The following PKIB variants were observed in gnomAD, a reference collection of about 807,000 sequenced individuals.
PKIB encodes cAMP-dependent protein kinase inhibitor beta, also known as PKI-beta.
Under a neutral mutation model 4.5 loss-of-function variants are expected in PKIB, and 2 were observed. The observed-to-expected ratio is 0.44, with a 90% confidence interval of 0.18 to 1.39. PKIB has a LOEUF of 1.39. PKIB is among the 40% of genes most tolerant of loss of function. PKIB has a pLI of 0.27. For missense variants in PKIB, 94 were observed against 92.6 expected, an observed-to-expected ratio of 1.02 and a Z score of -0.06; for synonymous variants, 38 against 36.0, an observed-to-expected ratio of 1.06 and a Z score of -0.20.
upstream of PKIB, among the ~76,000 whole-genome samples, chr6:122,607,076 T>TAA (rs567585689): frequency 7.0e-6 from 1 of 143,502 alleles, no homozygotes; most frequent in African/African-American, 2.6e-5. Context: ...GTCCCCTTGG[T>TAA]AAAAAAAAAA....
intron 3 of PKIB, among the ~76,000 whole-genome samples, chr6:122,699,313 G>C (rs1209017110): frequency 1.3e-5 from 2 of 151,244 alleles, no homozygotes; most frequent in Non-Finnish European, 2.9e-5. Flanking sequence ...TGTCTCATGG[G>C]AGGTAAAAGC....
At chr6:122,505,263 G>A (rs565050905) in intron 2 of PKIB, among the ~76,000 whole-genome samples, 222 of 152,206 alleles carry the variant, frequency 1.5e-3, no homozygotes, top group African/African-American at 5.0e-3. Flanking sequence ...AGCAGATCTC[G>A]CTCTGAGCAT....
chr6:122,653,129 C>A (rs1298858485), intron 2 of PKIB, among the ~76,000 whole-genome samples: 1 of 152,086 alleles, frequency 6.6e-6, no homozygotes, highest in African/African-American at 2.4e-5. Context: ...TTGGAAAGTT[C>A]CAGAAAACTG....
At chr6:122,721,141 G>A (rs1048478007) in intron 4 of PKIB, among the ~76,000 whole-genome samples, 2 of 152,116 alleles carry the variant, frequency 1.3e-5, no homozygotes, top group African/African-American at 4.8e-5. Context: ...AAGGAAAGAC[G>A]GAGCCTTAGA....
chr6:122,493,317 G>T (rs1295615707), intron 2 of PKIB: 1 of 152,220 alleles, frequency 6.6e-6, no homozygotes, highest in Non-Finnish European at 1.5e-5. Flanking sequence ...GACACAGCTA[G>T]AAGACACCAT....
At chr6:122,689,835 A>G (rs9388115) in intron 3 of PKIB, among the ~76,000 whole-genome samples, 37,645 of 152,090 alleles carry the variant, frequency 0.25, 5,140 homozygotes, top group East Asian at 0.43. Flanking sequence ...AGATCTGTCC[A>G]GTGCTGCAAG....
intron 3 of PKIB, among the ~76,000 whole-genome samples, chr6:122,688,938 G>T (rs879780012): frequency 6.6e-6 from 1 of 151,802 alleles, no homozygotes; most frequent in Middle Eastern, 3.4e-3. Flanking sequence ...CCGCCACCAC[G>T]CCCGTCTAAT....
intron 2 of PKIB, among the ~76,000 whole-genome samples, chr6:122,527,374 G>T (rs1195489516): frequency 1.3e-5 from 2 of 151,944 alleles, no homozygotes; most frequent in East Asian, 3.9e-4. Flanking sequence ...CTTTTGCCCT[G>T]TCTCAGCTTT....
intron 2 of PKIB, among the ~76,000 whole-genome samples, chr6:122,495,414 C>T (rs1007307032): frequency 6.6e-6 from 1 of 152,128 alleles, no homozygotes; most frequent in Non-Finnish European, 1.5e-5. Flanking sequence ...TGTAATATCC[C>T]CTCAGATCCT....
intron 2 of PKIB, among the ~76,000 whole-genome samples, chr6:122,499,220 G>A (rs1291304421): frequency 2.0e-5 from 3 of 152,044 alleles, no homozygotes; most frequent in South Asian, 2.1e-4. Flanking sequence ...TGTACAAAGC[G>A]AGCATCACTC....
intron 1 of PKIB, among the ~76,000 whole-genome samples, chr6:122,477,276 A>G (rs1385436914): frequency 6.6e-6 from 1 of 152,192 alleles, no homozygotes; most frequent in Non-Finnish European, 1.5e-5. Context: ...AAGTCGAGGC[A>G]ATTATCCAGG....
intron 2 of PKIB, among the ~76,000 whole-genome samples, chr6:122,574,412 T>G (rs899169741): frequency 1.3e-5 from 2 of 151,826 alleles, no homozygotes; most frequent in Non-Finnish European, 2.9e-5. Flanking sequence ...GAAAAAACAA[T>G]CCTAGAATTA....
chr6:122,616,462 G>A (rs1774992622), intron 1 of PKIB, among the ~76,000 whole-genome samples: 1 of 152,142 alleles, frequency 6.6e-6, no homozygotes. Context: ...GAAAGATGGA[G>A]GAGACGGTTC....
chr6:122,518,651 A>G (rs1207285640), intron 2 of PKIB, among the ~76,000 whole-genome samples: 1 of 151,594 alleles, frequency 6.6e-6, no homozygotes, highest in Non-Finnish European at 1.5e-5. Flanking sequence ...CACATGGGAG[A>G]GGAGGAGTGC....
At chr6:122,712,738 T>C (rs911022823) in intron 3 of PKIB, among the ~76,000 whole-genome samples, 4 of 152,150 alleles carry the variant, frequency 2.6e-5, no homozygotes, top group African/African-American at 9.7e-5. Context: ...CTGTGGAAGA[T>C]AGGGTGAGTG....
chr6:122,547,472 A>C (rs1019888925), intron 2 of PKIB, among the ~76,000 whole-genome samples: 1 of 152,028 alleles, frequency 6.6e-6, no homozygotes, highest in Non-Finnish European at 1.5e-5. Flanking sequence ...GGTAGCTGGA[A>C]TTACAGGCGC....
chr6:122,632,092 C>T (rs117649926), intron 1 of PKIB, among the ~76,000 whole-genome samples: 1 of 152,098 alleles, frequency 6.6e-6, no homozygotes, highest in Non-Finnish European at 1.5e-5. Context: ...ATGGAAGAAG[C>T]TATGGCTGGG....
intron 1 of PKIB, among the ~76,000 whole-genome samples, chr6:122,476,855 CACCCAAA>C (rs1404377133): frequency 6.6e-6 from 1 of 152,126 alleles, no homozygotes; most frequent in African/African-American, 2.4e-5. Flanking sequence ...CACATTCATT[CACCCAAA>C]ACGTTATTTA....
intron 2 of PKIB, among the ~76,000 whole-genome samples, chr6:122,524,216 TC>T (rs1330117209): frequency 4.9e-5 from 7 of 143,846 alleles, no homozygotes; most frequent in African/African-American, 1.3e-4. Context: ...TTCCTCCTCC[TC>T]CCCCTCCTCC....
Sources: allele counts gnomAD v4.1 joint callset (sites outside exome capture counted in the v4.1 genomes callset), GRCh38; gene constraint gnomAD v4.1.1; transcripts MANE v1.5; gene names NCBI Gene and HGNC (gene_info 2026-07-23, HGNC 2026-07-21).